Variants in CEP170 observed in about 807,000 individuals in gnomAD.
CEP170 encodes centrosomal protein 170.
CEP170 carries 21 observed loss-of-function variants against 151.9 expected under a neutral mutation model. The observed-to-expected ratio is 0.14, with a 90% CI of 0.10 to 0.20. The LOEUF is 0.20. CEP170 is among the 10% of genes least tolerant of loss of function. CEP170 has a pLI of 1.00. For synonymous variants in CEP170, 356 were observed against 648.8 expected, an observed-to-expected ratio of 0.55 and a Z score of 6.86; for missense variants, 964 against 1,892.9, an observed-to-expected ratio of 0.51 and a Z score of 9.11.
chr1:243,176,740 C>T (rs1299675886), intron 10 of CEP170: 1 of 331,536 alleles, frequency 3.0e-6, no homozygotes, highest in African/African-American at 2.2e-5. Flanking sequence ...CAGGGGATTA[C>T]AAAATCTGTA....
intron 7 of CEP170, among the ~76,000 whole-genome samples, chr1:243,192,981 C>CT (rs2060407977): frequency 6.6e-6 from 1 of 151,890 alleles, no homozygotes; most frequent in Non-Finnish European, 1.5e-5. Flanking sequence ...AAAATTATCC[C>CT]TTTTAAAATC....
At chr1:243,147,870 G>A (rs796897194) in intron 14 of CEP170, among the ~76,000 whole-genome samples, 35 of 152,206 alleles carry the variant, frequency 2.3e-4, no homozygotes, top group African/African-American at 7.2e-4. Context: ...TACTGATAAC[G>A]AGCTAGGTAT....
chr1:243,134,288 T>C (rs1297803248), intron 17 of CEP170, among the ~76,000 whole-genome samples: 2 of 152,202 alleles, frequency 1.3e-5, no homozygotes, highest in African/African-American at 2.4e-5. Flanking sequence ...ACCTAGAATG[T>C]ACCTAATACT....
intron 1 of CEP170, among the ~76,000 whole-genome samples, chr1:243,226,105 GTA>G (rs1324608478): frequency 4.9e-4 from 55 of 113,018 alleles, no homozygotes; most frequent in African/African-American, 1.6e-3. Context: ...ATATATACAC[GTA>G]TATATATGTA....
At chr1:243,205,233 A>G (rs2061328112) in intron 4 of CEP170, among the ~76,000 whole-genome samples, 1 of 152,226 alleles carries the variant, frequency 6.6e-6, no homozygotes, top group African/African-American at 2.4e-5. Flanking sequence ...TCTGGAAAAT[A>G]TTAGAGATAA....
intron 1 of CEP170, among the ~76,000 whole-genome samples, chr1:243,227,101 T>A (rs2063357830): frequency 6.6e-6 from 1 of 152,214 alleles, no homozygotes; most frequent in Non-Finnish European, 1.5e-5. Flanking sequence ...TTCCAAATGT[T>A]GACGTGTTTC....
At chr1:243,180,954 C>A (rs2059583408) in intron 10 of CEP170, among the ~76,000 whole-genome samples, 2 of 152,136 alleles carry the variant, frequency 1.3e-5, no homozygotes, top group South Asian at 4.1e-4. Context: ...AAACTCAGGA[C>A]AAGAAAAGTA....
intron 19 of CEP170, among the ~76,000 whole-genome samples, chr1:243,127,386 T>C (rs913391473): frequency 3.3e-5 from 5 of 152,116 alleles, no homozygotes; most frequent in African/African-American, 4.8e-5. Flanking sequence ...TGGGTTGACA[T>C]GGAAAGTTCT....
chr1:243,140,266 G>A (rs2055678974), intron 15 of CEP170, 159 bp from the exon 16 acceptor site: 1 of 1,121,666 alleles, frequency 8.9e-7, no homozygotes, highest in Non-Finnish European at 1.2e-6. Context: ...CTTTTTATAA[G>A]CACTTCAAAT....
At chr1:243,163,123 GAAGAA>G in intron 13 of CEP170, 1 of 152,284 alleles carries the variant, frequency 6.6e-6, no homozygotes, top group Admixed American at 6.5e-5. Context: ...GTGAAAAGAG[GAAGAA>G]AAGTGAAAAA....
chr1:243,135,528 A>G (rs12143199), intron 17 of CEP170, among the ~76,000 whole-genome samples: 18,831 of 152,092 alleles, frequency 0.12, 1,281 homozygotes, highest in Non-Finnish European at 0.14. Flanking sequence ...TTTTTAAGAT[A>G]CAGGCTCAAG....
chr1:243,215,218 G>C (rs953587548), intron 3 of CEP170, among the ~76,000 whole-genome samples: 1 of 152,130 alleles, frequency 6.6e-6, no homozygotes, highest in Admixed American at 6.5e-5. Context: ...AGGACCCTGT[G>C]ATGATTGTGT....
At chr1:243,242,537 G>A (rs1021262215) in intron 1 of CEP170, among the ~76,000 whole-genome samples, 76 of 151,994 alleles carry the variant, frequency 5.0e-4, no homozygotes, top group African/African-American at 1.7e-3. Flanking sequence ...TGTTCTAAAC[G>A]TTACTCACAA....
At chr1:243,127,461 T>C (rs1176570898) in intron 19 of CEP170, among the ~76,000 whole-genome samples, 1 of 152,128 alleles carries the variant, frequency 6.6e-6, no homozygotes, top group African/African-American at 2.4e-5. Context: ...GTAACATAGA[T>C]GTAAGAATCA....
intron 8 of CEP170, among the ~76,000 whole-genome samples, chr1:243,187,203 C>T (rs150030497): frequency 6.6e-4 from 101 of 152,254 alleles, no homozygotes; most frequent in African/African-American, 2.4e-3. Context: ...GGAAGCATAT[C>T]AGGTTAGAAT....
chr1:243,178,782 A>C (rs892193351), intron 10 of CEP170, among the ~76,000 whole-genome samples: 1 of 151,292 alleles, frequency 6.6e-6, no homozygotes, highest in African/African-American at 2.4e-5. Flanking sequence ...GCAGTGGCAC[A>C]ATCTTGGCTC....
intron 13 of CEP170, among the ~76,000 whole-genome samples, chr1:243,159,763 T>TGTGTGTGTGTG (rs2057892319): frequency 1.5e-4 from 19 of 127,164 alleles, no homozygotes; most frequent in East Asian, 9.4e-4. Flanking sequence ...GTTTCCGGTT[T>TGTGTGTGTGTG]TGTGTGTGTG....
At chr1:243,209,339 C>T (rs1427881231) in intron 4 of CEP170, among the ~76,000 whole-genome samples, 18 of 152,104 alleles carry the variant, frequency 1.2e-4, no homozygotes, top group Admixed American at 1.2e-3. Context: ...GTACCTGCCA[C>T]CATGCCAGGC....
intron 14 of CEP170, among the ~76,000 whole-genome samples, chr1:243,151,275 T>C (rs1766030): frequency 0.6 from 85,963 of 142,572 alleles, 26,827 homozygotes; most frequent in African/African-American, 0.81. Flanking sequence ...CTACTCCCAC[T>C]AATCTCCCAT....
Sources: allele counts gnomAD v4.1 joint callset (sites outside exome capture counted in the v4.1 genomes callset), GRCh38; gene constraint gnomAD v4.1.1; transcripts MANE v1.5; gene names NCBI Gene and HGNC (gene_info 2026-07-23, HGNC 2026-07-21).